The following ATP6V1D variants were observed in gnomAD, a reference collection of about 807,000 sequenced individuals.
The protein encoded by ATP6V1D is V-type proton ATPase subunit D.
A neutral mutation model predicts 39.4 loss-of-function variants in ATP6V1D; 20 were observed. The observed-to-expected ratio is 0.51, with a 90% CI of 0.36 to 0.74. The LOEUF is 0.74. Among genes scored for constraint, ATP6V1D ranks in the 30% least tolerant of loss-of-function variants. The pLI is 0.00. For synonymous variants in ATP6V1D, 100 were observed against 100.5 expected, an observed-to-expected ratio of 0.99 and a Z score of 0.03; for missense variants, 228 against 291.6, an observed-to-expected ratio of 0.78 and a Z score of 1.59.
intron 3 of ATP6V1D, 55 bp downstream of exon 3, chr14:67,350,556 T>C (rs1318257458): frequency 6.9e-7 from 1 of 1,455,562 alleles, no homozygotes; most frequent in Non-Finnish European, 9.5e-7. Context: ...TAAATGAAAT[T>C]ATGAGACTGA....
chr14:67,351,577 T>C (rs774213906), intron 2 of ATP6V1D, among the ~76,000 whole-genome samples: 65 of 152,182 alleles, frequency 4.3e-4, no homozygotes, highest in Non-Finnish European at 8.2e-4. Context: ...GGTGTAATCA[T>C]AGCTCACTGC....
In ATP6V1D at chr14:67,337,967, A is replaced by G. The variant is rs1051520873; in HGVS notation, c.*654T>C. ...AACTCTAATACATGGAGTGGGAAAAATAGCTACCCACTTCCTACATGTCTG... is the reference window on the plus strand; with the variant it reads ...AACTCTAATACATGGAGTGGGAAAAGTAGCTACCCACTTCCTACATGTCTG... On this transcript the variant is annotated 3_prime_UTR_variant, in exon 9 of 9. Coordinates refer to ENST00000216442, the MANE Select transcript of ATP6V1D (RefSeq NM_015994.4). 8 of 152,234 alleles carry G rather than the reference A, an allele frequency of 5.3e-5. No homozygotes were observed. The highest frequency in any genetic ancestry group is 1.4e-4 in the African/African-American group (6 of 41,448). 9.4% of individuals were successfully genotyped at this position (152,234 alleles called of 1,614,324 possible).
chr14:67,347,496 T>A, intron 4 of ATP6V1D, 43 bp from the exon 5 acceptor site: 2 of 1,425,110 alleles, frequency 1.4e-6, no homozygotes, highest in Non-Finnish European at 1.9e-6. Context: ...AACCTTTAAG[T>A]TCTCTCTTTT....
intron 8 of ATP6V1D, 144 bp downstream of exon 8, chr14:67,340,293 GTAA>G (rs2141090104): frequency 3.1e-6 from 2 of 655,288 alleles, no homozygotes; most frequent in Non-Finnish European, 5.1e-6. Flanking sequence ...ACAACTTCTG[GTAA>G]TAATATTTCT....
At chr14:67,344,752 C>A (rs887274819) in intron 6 of ATP6V1D, among the ~76,000 whole-genome samples, 2 of 151,626 alleles carry the variant, frequency 1.3e-5, no homozygotes, top group African/African-American at 4.9e-5. Flanking sequence ...CGAGGTGGCA[C>A]AAACTTGTAG....
chr14:67,348,358 T>A (rs186980465), intron 4 of ATP6V1D, among the ~76,000 whole-genome samples: 112 of 151,392 alleles, frequency 7.4e-4, no homozygotes, highest in African/African-American at 2.6e-3. Context: ...GTGTGAGCCA[T>A]CACACCCGGC....
At chr14:67,342,181 A>T (rs1183287922) in intron 7 of ATP6V1D, among the ~76,000 whole-genome samples, 1 of 99,580 alleles carries the variant, frequency 1.0e-5, no homozygotes. Context: ...AATGATCAAT[A>T]AAATAAATAA....
chr14:67,339,622 C>G (rs2085564766), intron 8 of ATP6V1D, among the ~76,000 whole-genome samples: 1 of 152,158 alleles, frequency 6.6e-6, no homozygotes, highest in African/African-American at 2.4e-5. Flanking sequence ...TGCATAATTT[C>G]TCTCCAAGTG....
chr14:67,358,881 A>G (rs554758268), intron 1 of ATP6V1D, among the ~76,000 whole-genome samples: 1 of 152,368 alleles, frequency 6.6e-6, no homozygotes, highest in East Asian at 1.9e-4. Flanking sequence ...AACTGAGCGT[A>G]TTCCCAAGCA....
intron 8 of ATP6V1D, 134 bp downstream of exon 8, chr14:67,340,306 T>C (rs1472077710): frequency 1.4e-6 from 1 of 709,030 alleles, no homozygotes; most frequent in Non-Finnish European, 2.3e-6. Context: ...ATAATATTTC[T>C]TGCTGCTTAT....
chr14:67,342,215 AAATAAAAT>A (rs2085589866), intron 7 of ATP6V1D, among the ~76,000 whole-genome samples: 3 of 105,232 alleles, frequency 2.9e-5, no homozygotes, highest in African/African-American at 1.9e-4. Context: ...TAAATAAATA[AAATAAAAT>A]AAAAAAAAAC....
intron 7 of ATP6V1D, 128 bp from the exon 8 acceptor site, chr14:67,340,646 T>A: frequency 1.3e-6 from 1 of 781,332 alleles, no homozygotes; most frequent in Non-Finnish European, 2.1e-6. Context: ...GCAGAGAACT[T>A]GGAAAATAAA....
intron 1 of ATP6V1D, among the ~76,000 whole-genome samples, chr14:67,358,749 G>C (rs2085703961): frequency 6.6e-6 from 1 of 152,156 alleles, no homozygotes; most frequent in Non-Finnish European, 1.5e-5. Flanking sequence ...AGGAGAAAGG[G>C]AGCAAGTTGT....
At chr14:67,347,728 G>A (rs1040255895) in intron 4 of ATP6V1D, among the ~76,000 whole-genome samples, 2 of 151,826 alleles carry the variant, frequency 1.3e-5, no homozygotes, top group African/African-American at 4.8e-5. Flanking sequence ...TTGAACTTCC[G>A]ACCTCAGGTG....
chr14:67,347,583 C>T, intron 4 of ATP6V1D, 130 bp from the exon 5 acceptor site: 1 of 707,488 alleles, frequency 1.4e-6, no homozygotes, highest in Non-Finnish European at 2.4e-6. Context: ...CTCACCGCAA[C>T]CTCTGCCTCC....
At chr14:67,356,843 G>C (rs539096713) in intron 1 of ATP6V1D, among the ~76,000 whole-genome samples, 107 of 152,282 alleles carry the variant, frequency 7.0e-4, no homozygotes, top group African/African-American at 2.6e-3. Context: ...CCATCTCAAT[G>C]TGTGCATTTA....
In ATP6V1D at chr14:67,345,864, T is replaced by C; in HGVS notation, c.360A>G (p.Glu120=). The C allele has an allele frequency of 6.2e-7, 1 of 1,611,456 alleles. No individual in the cohort carries two copies. The highest frequency in any genetic ancestry group is 1.3e-5 in the African/African-American group (1 of 74,986). The change falls in exon 6 of 9, where the codon GAA becomes GAG. Residue 120 remains glutamate, a synonymous_variant. Coordinates refer to ENST00000216442, the MANE Select transcript of ATP6V1D (RefSeq NM_015994.4). ...CCCCACCTCTGGCTAAACCAGTCAG[T>C]TCATAACCTGAAAGGACCAGTCAGA... ...EHYHEGTDSY[E]LTGLARGGEQ...
At position 67,359,713 on chromosome 14, in the gene ATP6V1D, T is replaced by A. The variant is rs772917060; in HGVS notation, c.-15A>T. 9.9e-6 allele frequency: 16 copies of A among 1,614,026 alleles called. No individual in the cohort carries two copies. Among genetic ancestry groups the A allele is most frequent in the Non-Finnish European group, 1.4e-5 (16 of 1,180,026 alleles). ...TTGCCCGACATTCTGACGATAACTT[T>A]TCGGCTCGGGTCCCCGGCCGGGCAA... On this transcript the variant is annotated 5_prime_UTR_variant, in exon 1 of 9. Coordinates refer to ENST00000216442, the MANE Select transcript of ATP6V1D (RefSeq NM_015994.4).
rs772917060 is a variant in ATP6V1D at position 67,359,713 on chromosome 14, T to C, written c.-15A>G. On this transcript the variant is annotated 5_prime_UTR_variant, in exon 1 of 9. Transcript: ENST00000216442. The stretch of plus-strand genomic sequence containing the variant: ...TTGCCCGACATTCTGACGATAACTT[T>C]TCGGCTCGGGTCCCCGGCCGGGCAA... 2.5e-6 allele frequency: 4 copies of C among 1,614,026 alleles called. No homozygotes were observed. The Admixed American group carries it at 6.7e-5, about 27-fold the overall frequency.
Sources: gnomAD v4.1 joint callset for allele counts (sites outside exome capture counted in the v4.1 genomes callset) on GRCh38, gnomAD v4.1.1 for gene constraint, MANE v1.5 for transcripts, NCBI Gene and HGNC (gene_info 2026-07-23, HGNC 2026-07-21) for gene names.